Variants in TNRC6A observed in about 807,000 individuals in gnomAD.
The protein encoded by TNRC6A is trinucleotide repeat-containing gene 6A protein.
Under a neutral mutation model 221.2 loss-of-function variants are expected in TNRC6A, and 44 were observed. The observed-to-expected ratio is 0.20, with a 90% CI of 0.16 to 0.26. TNRC6A has a LOEUF of 0.26. TNRC6A is among the 10% of genes least tolerant of loss of function. The probability of loss-of-function intolerance (pLI) is 1.00; values close to 1 mark genes in which losing one functional copy is unlikely to be tolerated. For missense variants in TNRC6A, 2,199 were observed against 2,404.4 expected, an observed-to-expected ratio of 0.91 and a Z score of 1.79; for synonymous variants, 847 against 838.5, an observed-to-expected ratio of 1.01 and a Z score of -0.18.
chr16:24,674,976 C>T (rs2055378768), intron 2 of TNRC6A, among the ~76,000 whole-genome samples: 1 of 151,958 alleles, frequency 6.6e-6, no homozygotes, highest in Non-Finnish European at 1.5e-5. Context: ...ACTGTCTCTA[C>T]AAAAACAAAA....
At chr16:24,622,514 A>G (rs935089976) in intron 1 of TNRC6A, among the ~76,000 whole-genome samples, 8 of 152,140 alleles carry the variant, frequency 5.3e-5, no homozygotes, top group African/African-American at 1.9e-4. Flanking sequence ...GAATTGCTGG[A>G]ACCCAGGAGG....
rs377649669 is a variant in TNRC6A at position 24,695,017 on chromosome 16, G to A, written n.402+54008G>A. Among the ~76,000 whole-genome samples the A allele has an allele frequency of 9.4e-4, 143 of 152,304 alleles. 1 individual carries two copies. Among genetic ancestry groups the A allele is most frequent in the Middle Eastern group, 3.4e-3 (1 of 294 alleles). ...AAACTTTCTCCAGACCTGTTGGGCT[G>A]TTGGGGCCCTGCAGCTTTAATTTGA... On this transcript the variant is annotated intron_variant and non_coding_transcript_variant, in intron 2 of 2. Coordinates refer to the TNRC6A transcript ENST00000566108.
Position 24,650,236 on chromosome 16 carries a change from A to T in TNRC6A, n.402+9227A>T, listed in dbSNP as rs557087033. ...ATTGGAAATTTTGTTCATGTATAGA[A>T]AAATAATTGAATTATAATTAAAATA... On this transcript the variant is annotated intron_variant and non_coding_transcript_variant, in intron 2 of 2. Coordinates refer to the TNRC6A transcript ENST00000566108. Among the ~76,000 whole-genome samples, 10 of 152,342 alleles carry T rather than the reference A, an allele frequency of 6.6e-5. No homozygotes were observed. The East Asian group carries it at 1.5e-3, about 23-fold the overall frequency.
At chr16:24,660,311 T>A (rs1313200130) in intron 2 of TNRC6A, among the ~76,000 whole-genome samples, 1 of 152,154 alleles carries the variant, frequency 6.6e-6, no homozygotes, top group Non-Finnish European at 1.5e-5. Flanking sequence ...CTCCCACTTA[T>A]GAGTGAGAAC....
At chr16:24,792,836 T>C (rs1311925965) in intron 6 of TNRC6A, among the ~76,000 whole-genome samples, 1 of 149,118 alleles carries the variant, frequency 6.7e-6, no homozygotes, top group East Asian at 2.0e-4. Flanking sequence ...TCACCCAGGC[T>C]GAAGTGCAGT....
rs1253689036 is a variant in TNRC6A, at chr16:24,825,739, G to A, written c.*1932G>A. The A allele has an allele frequency of 1.3e-5, 2 of 152,642 alleles. No individual in the cohort carries two copies. Among genetic ancestry groups the A allele is most frequent in the Non-Finnish European group, 2.9e-5 (2 of 68,052 alleles). The allele number at this position is 152,642 out of a possible 1,614,324, so 9.5% of individuals were successfully genotyped here. On this transcript the variant is annotated 3_prime_UTR_variant, in exon 25 of 25. Coordinates refer to ENST00000395799, the MANE Select transcript of TNRC6A (RefSeq NM_014494.4). ...TCCCCACCATTTGTGCCCATCTCAA[G>A]CCTCAGCAAGAAACCATGTGGAACA...
At position 24,793,578 on chromosome 16, in the gene TNRC6A, C is replaced by G; in HGVS notation, c.3281C>G (p.Pro1094Arg). 3 of 1,566,406 alleles carry G rather than the reference C, an allele frequency of 1.9e-6. No homozygotes were observed. Among genetic ancestry groups the G allele is most frequent in the Non-Finnish European group, 2.6e-6 (3 of 1,155,198 alleles). ...GACAGTGGTCCCAGCTGGGGGGAAC[C>G]CATTGCTGCGGCATCCAGCACATCC... ...PIDSGPSWGE[P>R]IAAASSTSTW... Residue 1094 changes from proline to arginine, a missense_variant, in exon 7 of 25, where the codon CCC becomes CGC. Transcript: ENST00000395799.
intron 18 of TNRC6A, among the ~76,000 whole-genome samples, chr16:24,812,082 T>A (rs2058558084): frequency 8.1e-6 from 1 of 123,176 alleles, no homozygotes. Context: ...AGAGTCTCAC[T>A]CGGTCACCCA....
intron 4 of TNRC6A, among the ~76,000 whole-genome samples, chr16:24,761,279 A>C (rs2057356766): frequency 6.6e-6 from 1 of 152,244 alleles, no homozygotes; most frequent in Non-Finnish European, 1.5e-5. Context: ...TGTGACTTCA[A>C]CTTTGAAAAA....
intron 4 of TNRC6A, among the ~76,000 whole-genome samples, chr16:24,764,515 G>T (rs1476936298): frequency 6.6e-6 from 1 of 151,856 alleles, no homozygotes; most frequent in Non-Finnish European, 1.5e-5. Flanking sequence ...TAGAGACGGG[G>T]TTTCACCATG....
intron 2 of TNRC6A, among the ~76,000 whole-genome samples, chr16:24,750,083 T>A (rs1228566239): frequency 6.6e-6 from 1 of 152,156 alleles, no homozygotes; most frequent in Non-Finnish European, 1.5e-5. Flanking sequence ...GAGGCTGCAG[T>A]GAGCAGAGAT....
intron 2 of TNRC6A, among the ~76,000 whole-genome samples, chr16:24,677,237 A>G (rs2142034590): frequency 6.9e-6 from 1 of 144,030 alleles, no homozygotes; most frequent in South Asian, 2.1e-4. Flanking sequence ...ATCCCGGCTC[A>G]CTGCAACCTC....
At chr16:24,655,995 T>C (rs1335478539) in intron 2 of TNRC6A, among the ~76,000 whole-genome samples, 2 of 150,546 alleles carry the variant, frequency 1.3e-5, no homozygotes, top group East Asian at 3.9e-4. Context: ...TTTTAAAAAT[T>C]AGCCAGGCAT....
intron 2 of TNRC6A, among the ~76,000 whole-genome samples, chr16:24,681,637 G>A (rs748423414): frequency 6.6e-6 from 1 of 152,062 alleles, no homozygotes; most frequent in East Asian, 1.9e-4. Flanking sequence ...TTGTATACAT[G>A]TGTTGTAATT....
intron 1 of TNRC6A, among the ~76,000 whole-genome samples, chr16:24,632,945 G>T (rs893033819): frequency 4.0e-5 from 6 of 149,706 alleles, no homozygotes; most frequent in Non-Finnish European, 8.9e-5. Flanking sequence ...GGAGGCGGAG[G>T]TTGCAGTGAG....
Position 24,823,414 on chromosome 16 carries a change from G to C in TNRC6A, c.5514-18G>C. The C allele has an allele frequency of 6.3e-7, 1 of 1,593,790 alleles. No homozygotes were observed. The highest frequency in any genetic ancestry group is 2.2e-5 in the East Asian group (1 of 44,562). On this transcript the variant is annotated intron_variant, in intron 24 of 24. Transcript: ENST00000395799. The surrounding 1 kb of genome is among the most constrained non-coding windows in gnomAD (Gnocchi z 4.3). ...TGGTGTGCTGTCCTCACGTGTCCGCGGTGCCTCTCTCCTCTAGGTGTGTAC... is the reference window on the plus strand; with the variant it reads ...TGGTGTGCTGTCCTCACGTGTCCGCCGTGCCTCTCTCCTCTAGGTGTGTAC...
At chr16:24,655,348 G>A (rs893221348) in intron 2 of TNRC6A, among the ~76,000 whole-genome samples, 10 of 152,120 alleles carry the variant, frequency 6.6e-5, no homozygotes, top group African/African-American at 1.7e-4. Flanking sequence ...CACTATAATC[G>A]CCATTTATTT....
chr16:24,789,343 C>T lies in TNRC6A; in HGVS notation c.701C>T (p.Ser234Leu), dbSNP rs772041954. 62 of 1,614,016 alleles carry T rather than the reference C, an allele frequency of 3.8e-5. No individual in the cohort carries two copies. The highest frequency in any genetic ancestry group is 6.7e-5 in the Admixed American group (4 of 60,000). Residue 234 changes from serine (S) to leucine (L), a missense_variant, in exon 6 of 25, where the codon TCG (serine) becomes TTG (leucine). Physicochemically the swap from Ser to Leu is moderately radical, Grantham distance 145 (BLOSUM62 -2). Transcript: ENST00000395799. ...NCKNAVVSDL[S>L]EKEAWPSAPG... ...AAGAATGCTGTTGTAAGTGACTTGTCGGAAAAAGAAGCATGGCCCTCAGCC... is the reference window on the plus strand; with the variant it reads ...AAGAATGCTGTTGTAAGTGACTTGTTGGAAAAAGAAGCATGGCCCTCAGCC...
chr16:24,784,334 A>G (rs2057920384), intron 5 of TNRC6A, among the ~76,000 whole-genome samples: 4 of 151,248 alleles, frequency 2.6e-5, no homozygotes. Flanking sequence ...TTGTTTATTT[A>G]TTCATTTTGA....
Sources: gnomAD v4.1 joint callset for allele counts (sites outside exome capture counted in the v4.1 genomes callset) on GRCh38, gnomAD v4.1.1 for gene constraint, Gnocchi (gnomAD v3.1) non-coding constraint, MANE v1.5 for transcripts, NCBI Gene and HGNC (gene_info 2026-07-23, HGNC 2026-07-21) for gene names.